B4GALT7: variants seen among roughly 807,000 people sequenced by gnomAD.
B4GALT7 encodes the protein UDP-Gal:beta-GlcNAc beta-1,4-galactosyltransferase 7.
A neutral mutation model predicts 33.0 loss-of-function variants in B4GALT7; 30 were observed. That is an observed-to-expected ratio of 0.91 (90% CI 0.68 to 1.23). The LOEUF (loss-of-function observed/expected upper bound fraction) is 1.23. B4GALT7 is among the 50% of genes most tolerant of loss of function. B4GALT7 has a pLI of 0.00. For synonymous variants in B4GALT7, 213 were observed against 187.2 expected (o/e 1.14, Z -1.13); for missense variants, 507 against 450.8 (o/e 1.12, Z -1.13).
Position 177,604,401 on chromosome 5 carries a change from C to T in B4GALT7, c.273C>T (p.Gly91=), listed in dbSNP as rs375667092. The part of the protein sequence containing the change: ...PEHWEEDASW[G]PHRLAVLVPF... ...ACTGGGAAGAAGACGCATCCTGGGG[C>T]CCCCACCGCCTGGCAGTGCTGGTGC... The change falls in exon 2 of 6, where the codon GGC becomes GGT. Residue 91 remains glycine (G), a synonymous_variant. Coordinates refer to ENST00000029410, the MANE Select transcript of B4GALT7 (RefSeq NM_007255.3). The T allele has an allele frequency of 2.0e-5, 32 of 1,613,538 alleles. No individual in the cohort carries two copies. Among genetic ancestry groups the T allele is most frequent in the Non-Finnish European group, 2.4e-5 (28 of 1,179,814 alleles).
At chr5:177,603,392 A>T in intron 1 of B4GALT7, 1 of 983,638 alleles carries the variant, frequency 1.0e-6, no homozygotes, top group Non-Finnish European at 1.2e-6. Context: ...GTATTTGCTA[A>T]CCAAAAGGCT....
chr5:177,609,525 T>C lies in B4GALT7; in HGVS notation c.829-15T>C, dbSNP rs1320491081. On this transcript the variant is annotated splice_polypyrimidine_tract_variant and intron_variant, in intron 5 of 5. Coordinates refer to ENST00000029410, the MANE Select transcript of B4GALT7 (RefSeq NM_007255.3). The stretch of plus-strand genomic sequence containing the variant: ...GCAGCCCTGAGTCCGTGCTCTTTCC[T>C]CTCTTCCTCCCCAGGAGCAGTTCAA... 6.2e-7 allele frequency: 1 copy of C among 1,612,646 alleles called. No individual in the cohort carries two copies. The highest frequency in any genetic ancestry group is 2.2e-5 in the East Asian group (1 of 44,868).
At chr5:177,601,485 A>G (rs906269912) in intron 1 of B4GALT7, 6 of 152,248 alleles carry the variant, frequency 3.9e-5, no homozygotes, top group Non-Finnish European at 8.8e-5. Flanking sequence ...GAAGGTCTGT[A>G]TGAGACAAGA....
In B4GALT7 at chr5:177,608,994, C is replaced by A; in HGVS notation, c.808C>A (p.Arg270Ser). The change falls in exon 5 of 6, where the codon CGC (arginine) becomes AGC (serine). Residue 270 changes from arginine (R) to serine (S), a missense_variant. Coordinates refer to ENST00000029410, the MANE Select transcript of B4GALT7 (RefSeq NM_007255.3). The surrounding 1 kb of genome is among the most constrained non-coding windows in gnomAD (Gnocchi z 4.1). ...AGCCTGGCGGAAGAGGGACCAGAAGCGCATCGCAGCTCAAAAACAGGTGCT... is the reference window on the plus strand; with the variant it reads ...AGCCTGGCGGAAGAGGGACCAGAAGAGCATCGCAGCTCAAAAACAGGTGCT... ...DPAWRKRDQK[R>S]IAAQKQEQFK... The A allele has an allele frequency of 1.2e-6, 2 of 1,612,210 alleles. No homozygotes were observed. The highest frequency in any genetic ancestry group is 2.2e-5 in the South Asian group (2 of 91,084).
chr5:177,606,766 C>T lies in B4GALT7; in HGVS notation c.414-536C>T, dbSNP rs1363041237. ...ACTGTGTCACCCCCAACATCCCCACCTCTGCCCTCGCCCTGCCCAGCTGCC... is the reference window on the plus strand; with the variant it reads ...ACTGTGTCACCCCCAACATCCCCACTTCTGCCCTCGCCCTGCCCAGCTGCC... On this transcript the variant is annotated intron_variant, in intron 2 of 5. Transcript: ENST00000029410. This position sits in a 1 kb window ranked among gnomAD's most constrained non-coding sequence, Gnocchi z 4.2. 4.0e-6 allele frequency: 1 copy of T among 251,054 alleles called. No individual in the cohort carries two copies. The highest frequency in any genetic ancestry group is 4.9e-5 in the Admixed American group (1 of 20,266). The allele number at this position is 251,054 out of a possible 1,614,324, so 15.6% of individuals were successfully genotyped here. A position where few individuals can be genotyped will look rare whatever the true frequency, so the allele number is the denominator to read the frequency against.
In B4GALT7 at chr5:177,604,450, C is replaced by G; in HGVS notation, c.322C>G (p.Leu108Val). Residue 108 changes from leucine (L) to valine (V), a missense_variant, in exon 2 of 6, where the codon CTC becomes GTC. Coordinates refer to ENST00000029410, the MANE Select transcript of B4GALT7 (RefSeq NM_007255.3). ...LVPFRERFEE[L>V]LVFVPHMRRF... The stretch of plus-strand genomic sequence containing the variant: ...GCCCTTCCGCGAACGCTTCGAGGAG[C>G]TCCTGGTCTTCGTGCCCCACATGCG... 6.2e-7 allele frequency: 1 copy of G among 1,614,010 alleles called. No individual in the cohort carries two copies. The highest frequency in any genetic ancestry group is 8.5e-7 in the Non-Finnish European group (1 of 1,179,944).
At chr5:177,605,527 AAG>A (rs1216050445) in intron 2 of B4GALT7, among the ~76,000 whole-genome samples, 1 of 152,342 alleles carries the variant, frequency 6.6e-6, no homozygotes, top group African/African-American at 2.4e-5. Context: ...AATGAAATGG[AAG>A]AGAACTTTCC....
In B4GALT7 at chr5:177,604,353, C is replaced by T. The variant is rs780427259; in HGVS notation, c.225C>T (p.Cys75=). ...AGACCTCGGGCCCTCCCCGTGCCTG[C>T]CCCCCAGAGCCGCCCCCTGAGCACT... ...GQETSGPPRA[C]PPEPPPEHWE... Residue 75 remains cysteine, a synonymous_variant, in exon 2 of 6, where the codon TGC becomes TGT. Coordinates refer to ENST00000029410, the MANE Select transcript of B4GALT7 (RefSeq NM_007255.3). 102 of 1,610,674 alleles carry T rather than the reference C, an allele frequency of 6.3e-5. No homozygotes were observed. In the Admixed American group the frequency reaches 1.4e-3, roughly 22 times the overall value.
At chr5:177,607,091 A>T in intron 2 of B4GALT7, 1 of 620,334 alleles carries the variant, frequency 1.6e-6, no homozygotes, top group South Asian at 1.8e-5. Flanking sequence ...CTGGTTTTTC[A>T]CTGCTGTACC....
At chr5:177,604,665 T>C in intron 2 of B4GALT7, 124 bp downstream of exon 2, 2 of 1,295,020 alleles carry the variant, frequency 1.5e-6, no homozygotes, top group South Asian at 2.5e-5. Flanking sequence ...TCTCACTGGG[T>C]GTGACAGGAA....
At chr5:177,601,862 CA>C (rs1423220088) in intron 1 of B4GALT7, among the ~76,000 whole-genome samples, 3 of 152,138 alleles carry the variant, frequency 2.0e-5, no homozygotes, top group Admixed American at 6.5e-5. Context: ...ACTCTGGGTT[CA>C]ATCCAGTTGC....
Position 177,600,281 on chromosome 5 carries a change from C to T in B4GALT7, c.50+21C>T, listed in dbSNP as rs1767809477. ...GGCAGGTGAGCGGCGGCGGTGGGCCCGGGCCCCGTCCTCCCGGGCGCCGCT... is the reference window on the plus strand; with the variant it reads ...GGCAGGTGAGCGGCGGCGGTGGGCCTGGGCCCCGTCCTCCCGGGCGCCGCT... On this transcript the variant is annotated intron_variant, in intron 1 of 5. Transcript: ENST00000029410. The surrounding 1 kb of genome is among the most constrained non-coding windows in gnomAD (Gnocchi z 4.4). 2.3e-6 allele frequency: 3 copies of T among 1,307,432 alleles called. No individual in the cohort carries two copies. Among genetic ancestry groups the T allele is most frequent in the South Asian group, 4.0e-5 (2 of 49,964 alleles). 81.0% of individuals were successfully genotyped at this position (1,307,432 alleles called of 1,614,324 possible). A position where few individuals can be genotyped will look rare whatever the true frequency, so the allele number is the denominator to read the frequency against.
In B4GALT7 at chr5:177,609,026, G is replaced by A. The variant is rs1236420100; in HGVS notation, c.828+12G>A. 1 of 1,605,832 alleles carries A rather than the reference G, an allele frequency of 6.2e-7. No homozygotes were observed. The highest frequency in any genetic ancestry group is 2.2e-5 in the East Asian group (1 of 44,850). On this transcript the variant is annotated intron_variant, in intron 5 of 5. Transcript: ENST00000029410. Reference sequence around the variant, plus strand: ...CAGCTCAAAAACAGGTGCTGGCAGGGCTCCTCATTGGGGACAGATAGGTGG... The same window carrying A: ...CAGCTCAAAAACAGGTGCTGGCAGGACTCCTCATTGGGGACAGATAGGTGG...
chr5:177,604,020 G>A, intron 1 of B4GALT7, 159 bp from the exon 2 acceptor site: 1 of 1,069,622 alleles, frequency 9.3e-7, no homozygotes, highest in Non-Finnish European at 1.4e-6. Context: ...ATGCATGGTA[G>A]TGGCATGAGC....
intron 2 of B4GALT7, 178 bp from the exon 3 acceptor site, chr5:177,607,124 G>A (rs1768036766): frequency 3.0e-6 from 2 of 671,832 alleles, no homozygotes; most frequent in South Asian, 3.2e-5. Flanking sequence ...AATGGTTTCT[G>A]GCACATAGTG....
rs374382089 is a variant in B4GALT7, at chr5:177,608,371, C to G, written c.640-168C>G. 2 of 626,148 alleles carry G rather than the reference C, an allele frequency of 3.2e-6. No individual in the cohort carries two copies. Among genetic ancestry groups the G allele is most frequent in the East Asian group, 2.8e-5 (1 of 36,246 alleles). The allele number at this position is 626,148 out of a possible 1,614,324, so 38.8% of individuals were successfully genotyped here. ...GGCCCCGTGAGAACGGGAGAGGGCCCGGGACGCGCTGCTTCCTGCCGCCCG... is the reference window on the plus strand; with the variant it reads ...GGCCCCGTGAGAACGGGAGAGGGCCGGGGACGCGCTGCTTCCTGCCGCCCG... On this transcript the variant is annotated intron_variant, in intron 3 of 5. Transcript: ENST00000029410. The surrounding 1 kb of genome is among the most constrained non-coding windows in gnomAD (Gnocchi z 4.1).
chr5:177,602,324 T>G (rs970336762), intron 1 of B4GALT7, among the ~76,000 whole-genome samples: 3 of 152,172 alleles, frequency 2.0e-5, no homozygotes, highest in Non-Finnish European at 2.9e-5. Context: ...TTGGTCTGGC[T>G]TTAGCATGTG....
intron 1 of B4GALT7, chr5:177,601,574 T>G (rs898961861): frequency 6.6e-6 from 1 of 152,260 alleles, no homozygotes; most frequent in African/African-American, 2.4e-5. Context: ...CTGATGTCAA[T>G]TCTGTGCTTT....
Position 177,608,496 on chromosome 5 carries a change from C to CT in B4GALT7, c.640-43_640-42insT. On this transcript the variant is annotated intron_variant, in intron 3 of 5. Coordinates refer to ENST00000029410, the MANE Select transcript of B4GALT7 (RefSeq NM_007255.3). The surrounding 1 kb of genome is among the most constrained non-coding windows in gnomAD (Gnocchi z 4.1). ...CGGTAGGAGACCAAAGGCCCCCCCC[C>CT]CCGGGAAGATGGGCCGAGTGACGCT... The CT allele has an allele frequency of 6.4e-7, 1 of 1,562,684 alleles. No individual in the cohort carries two copies. The highest frequency in any genetic ancestry group is 8.8e-7 in the Non-Finnish European group (1 of 1,137,180).
Sources: allele counts gnomAD v4.1 joint callset (sites outside exome capture counted in the v4.1 genomes callset), GRCh38; gene constraint gnomAD v4.1.1; non-coding constraint Gnocchi (gnomAD v3.1); transcripts MANE v1.5; gene names NCBI Gene and HGNC (gene_info 2026-07-23, HGNC 2026-07-21).